LRRC4C: variants seen among roughly 807,000 people sequenced by gnomAD.
LRRC4C encodes leucine-rich repeat-containing protein 4C.
LRRC4C carries 5 observed loss-of-function variants against 33.6 expected under a neutral mutation model. The observed-to-expected ratio is 0.15, with a 90% CI of 0.08 to 0.31. The LOEUF is 0.31. LRRC4C is among the 10% of genes least tolerant of loss of function. The pLI is 1.00. For synonymous variants in LRRC4C, 329 were observed against 302.0 expected (o/e 1.09, Z -0.93); for missense variants, 560 against 796.7 (o/e 0.70, Z 3.58).
At chr11:40,993,820 A>G (rs1834446986) in intron 1 of LRRC4C, among the ~76,000 whole-genome samples, 1 of 152,200 alleles carries the variant, frequency 6.6e-6, no homozygotes, top group Non-Finnish European at 1.5e-5. Flanking sequence ...AAACTTAGAC[A>G]GCAACAGTGA....
At chr11:40,398,290 A>C (rs1162304006) in intron 3 of LRRC4C, among the ~76,000 whole-genome samples, 1 of 152,054 alleles carries the variant, frequency 6.6e-6, no homozygotes, top group Non-Finnish European at 1.5e-5. Flanking sequence ...CCAACATATA[A>C]ATTTACTATT....
intron 2 of LRRC4C, among the ~76,000 whole-genome samples, chr11:40,651,878 A>G (rs1392404750): frequency 1.3e-5 from 2 of 151,944 alleles, no homozygotes; most frequent in African/African-American, 2.4e-5. Context: ...TTTATTTTGG[A>G]TTTTCCTTTG....
intron 3 of LRRC4C, among the ~76,000 whole-genome samples, chr11:40,461,030 C>T (rs150401737): frequency 0.011 from 1,697 of 152,212 alleles, 39 homozygotes; most frequent in African/African-American, 0.039. Context: ...CAAAATAGTA[C>T]TTCTGCAATT....
intron 1 of LRRC4C, among the ~76,000 whole-genome samples, chr11:41,034,606 C>CATATATATATAT (rs758115530): frequency 9.2e-6 from 1 of 108,476 alleles, no homozygotes. Flanking sequence ...AATATGGTGA[C>CATATATATATAT]GTATATATAT....
intron 5 of LRRC4C, among the ~76,000 whole-genome samples, chr11:40,184,316 A>G (rs1035273759): frequency 1.3e-5 from 2 of 152,228 alleles, no homozygotes; most frequent in African/African-American, 4.8e-5. Flanking sequence ...ATAATATTAA[A>G]TATTGAGATT....
intron 1 of LRRC4C, among the ~76,000 whole-genome samples, chr11:41,194,419 AG>A (rs1946094629): frequency 6.6e-6 from 1 of 152,112 alleles, no homozygotes; most frequent in Non-Finnish European, 1.5e-5. Flanking sequence ...AATCCCCTCA[AG>A]TATGGATGCA....
At chr11:40,453,931 T>C (rs1027804199) in intron 3 of LRRC4C, among the ~76,000 whole-genome samples, 36 of 152,158 alleles carry the variant, frequency 2.4e-4, no homozygotes, top group African/African-American at 8.0e-4. Flanking sequence ...TTTAAATGAG[T>C]AAATTTTATG....
intron 3 of LRRC4C, 59 bp downstream of exon 3, chr11:40,648,083 C>A (rs1362135792): frequency 3.3e-5 from 5 of 152,156 alleles, no homozygotes; most frequent in Non-Finnish European, 5.9e-5. Flanking sequence ...TAATTAACAA[C>A]CCCATAGTCA....
chr11:40,561,919 T>C (rs999575829), intron 3 of LRRC4C, among the ~76,000 whole-genome samples: 8 of 152,186 alleles, frequency 5.3e-5, no homozygotes, highest in Non-Finnish European at 1.0e-4. Context: ...TACTCCATAA[T>C]GGGGTGCATG....
chr11:40,522,250 G>A (rs1047779249), intron 3 of LRRC4C, among the ~76,000 whole-genome samples: 1 of 152,190 alleles, frequency 6.6e-6, no homozygotes, highest in African/African-American at 2.4e-5. Flanking sequence ...GCCTGGTCTT[G>A]AACTTTTGAC....
At chr11:40,272,498 T>C (rs1016441158) in intron 4 of LRRC4C, among the ~76,000 whole-genome samples, 1 of 152,096 alleles carries the variant, frequency 6.6e-6, no homozygotes, top group Non-Finnish European at 1.5e-5. Flanking sequence ...CAAGATCCAT[T>C]GGAGAGATTC....
At chr11:40,388,626 A>G (rs563163765) in intron 3 of LRRC4C, among the ~76,000 whole-genome samples, 1 of 152,316 alleles carries the variant, frequency 6.6e-6, no homozygotes, top group South Asian at 2.1e-4. Flanking sequence ...GGAATGAGTC[A>G]AGGAACATCC....
chr11:40,326,458 A>G (rs1303311715), intron 3 of LRRC4C, among the ~76,000 whole-genome samples: 1 of 151,632 alleles, frequency 6.6e-6, no homozygotes, highest in African/African-American at 2.4e-5. Context: ...GCTACTCAGG[A>G]GGCTGAGGCA....
chr11:41,240,180 T>C (rs955200630), intron 1 of LRRC4C, among the ~76,000 whole-genome samples: 5 of 152,178 alleles, frequency 3.3e-5, no homozygotes, highest in African/African-American at 7.2e-5. Context: ...AAACTTTAGA[T>C]TTTTTGTGTA....
At chr11:41,369,874 G>T (rs1952680749) in intron 1 of LRRC4C, among the ~76,000 whole-genome samples, 1 of 152,296 alleles carries the variant, frequency 6.6e-6, no homozygotes, top group South Asian at 2.1e-4. Flanking sequence ...ATGATGACAA[G>T]GACTAGGTAC....
intron 1 of LRRC4C, among the ~76,000 whole-genome samples, chr11:41,222,636 C>A (rs1376894264): frequency 1.3e-5 from 2 of 151,972 alleles, no homozygotes; most frequent in African/African-American, 4.8e-5. Flanking sequence ...AGAACTGTAA[C>A]AACAAAGTTT....
chr11:40,765,141 C>A (rs925083970), intron 2 of LRRC4C, among the ~76,000 whole-genome samples: 1 of 152,126 alleles, frequency 6.6e-6, no homozygotes, highest in African/African-American at 2.4e-5. Flanking sequence ...TTCTGTATCC[C>A]CACCCAAATC....
chr11:41,157,628 A>G (rs1223336673), intron 1 of LRRC4C, among the ~76,000 whole-genome samples: 1 of 152,160 alleles, frequency 6.6e-6, no homozygotes, highest in African/African-American at 2.4e-5. Flanking sequence ...TCACATCAGT[A>G]ATTACAGGGC....
intron 1 of LRRC4C, among the ~76,000 whole-genome samples, chr11:41,009,101 TA>T (rs1429871810): frequency 6.6e-6 from 1 of 152,098 alleles, no homozygotes; most frequent in Non-Finnish European, 1.5e-5. Flanking sequence ...GAATTCTTTT[TA>T]AATTTATCTG....
Sources: gnomAD v4.1 joint callset for allele counts (sites outside exome capture counted in the v4.1 genomes callset) on GRCh38, gnomAD v4.1.1 for gene constraint, MANE v1.5 for transcripts, NCBI Gene and HGNC (gene_info 2026-07-23, HGNC 2026-07-21) for gene names.